The following TENM3 variants were observed in gnomAD, a reference collection of about 807,000 sequenced individuals.
TENM3 encodes teneurin transmembrane protein 3, also known as teneurin-3.
In TENM3, 63 loss-of-function variants were observed where a neutral mutation model predicts 255.1. The ratio of observed to expected loss-of-function variants is 0.25; its 90% CI spans 0.20 to 0.30. The LOEUF (loss-of-function observed/expected upper bound fraction) is 0.30, where lower values mean the gene tolerates loss of function less well. Among genes scored for constraint, TENM3 ranks in the 10% least tolerant of loss-of-function variants. The pLI is 1.00. For missense variants in TENM3, 2,929 were observed against 3,461.1 expected, an observed-to-expected ratio of 0.85 and a Z score of 3.86; for synonymous variants, 1,306 against 1,322.3, an observed-to-expected ratio of 0.99 and a Z score of 0.27.
the TENM3 span, among the ~76,000 whole-genome samples, chr4:181,560,647 G>T: frequency 6.6e-6 from 1 of 152,092 alleles, no homozygotes; most frequent in East Asian, 1.9e-4. Flanking sequence ...TGTGCTTCAG[G>T]AAGTAGGTTA....
Position 182,371,843 on chromosome 4 carries a change from A to G in TENM3, c.511+24914A>G, listed in dbSNP as rs113532680. Among the ~76,000 whole-genome samples, 461 of 152,328 alleles carry G rather than the reference A, an allele frequency of 3.0e-3. 10 individuals are homozygous for G. Among genetic ancestry groups the G allele is most frequent in the African/African-American group, 0.011 (444 of 41,572 alleles). Reference sequence around the variant, plus strand: ...CTTAATAGACCAGGATGAGCAATAAATATCTATTTGAAGTCCTGACTTAGT... The same window carrying G: ...CTTAATAGACCAGGATGAGCAATAAGTATCTATTTGAAGTCCTGACTTAGT... On this transcript the variant is annotated intron_variant, in intron 3 of 27. Coordinates refer to ENST00000511685, the MANE Select transcript of TENM3 (RefSeq NM_001080477.4).
the TENM3 span, among the ~76,000 whole-genome samples, chr4:181,825,672 C>A: frequency 6.6e-6 from 1 of 152,088 alleles, no homozygotes; most frequent in Non-Finnish European, 1.5e-5. Context: ...GTAAAATACC[C>A]TCAATCACAA....
At chr4:181,499,226 A>C in the TENM3 span, among the ~76,000 whole-genome samples, 4 of 152,184 alleles carry the variant, frequency 2.6e-5, no homozygotes, top group Admixed American at 2.0e-4. Flanking sequence ...TTCCCACGTG[A>C]CTGACAGTCA....
the TENM3 span, among the ~76,000 whole-genome samples, chr4:181,721,593 C>T: frequency 4.8e-5 from 1 of 21,008 alleles, no homozygotes; most frequent in African/African-American, 1.4e-4. Context: ...GAGCGAGACT[C>T]CGTCTCAAAA....
At chr4:181,522,564 T>C in the TENM3 span, 9 of 395,760 alleles carry the variant, frequency 2.3e-5, no homozygotes, top group Admixed American at 1.9e-4. Context: ...TGAACTGATA[T>C]TAAAAAGCCA....
the TENM3 span, among the ~76,000 whole-genome samples, chr4:181,501,384 GTT>G: frequency 7.0e-6 from 1 of 143,368 alleles, no homozygotes; most frequent in Non-Finnish European, 1.5e-5. Context: ...TTCCTTTTTT[GTT>G]TTTTTTTTTT....
At chr4:181,605,544 AAGAAAGAAAGAAAGAAAGAAAGAAAGAG>A in the TENM3 span, among the ~76,000 whole-genome samples, 3 of 32,732 alleles carry the variant, frequency 9.2e-5, no homozygotes, top group African/African-American at 2.2e-4. Context: ...GAAAGAAAGA[AAGAAAGAAAGAAAGAAAGAAAGAAAGAG>A]AGAGAAAGAA....
the TENM3 span, among the ~76,000 whole-genome samples, chr4:181,824,363 A>T: frequency 6.6e-6 from 1 of 151,774 alleles, no homozygotes; most frequent in East Asian, 2.0e-4. Flanking sequence ...GGCCTCCCAA[A>T]TTGTTGGGAT....
At chr4:182,034,166 G>A in the TENM3 span, among the ~76,000 whole-genome samples, 10 of 152,164 alleles carry the variant, frequency 6.6e-5, no homozygotes, top group African/African-American at 1.9e-4. Context: ...GACTTACTAC[G>A]ACAAGAACAG....
the TENM3 span, among the ~76,000 whole-genome samples, chr4:181,603,754 T>A: frequency 6.6e-6 from 1 of 152,136 alleles, no homozygotes; most frequent in Non-Finnish European, 1.5e-5. Flanking sequence ...TAAAACCCGT[T>A]GGAAATAAAA....
the TENM3 span, among the ~76,000 whole-genome samples, chr4:181,608,538 T>C: frequency 6.6e-6 from 1 of 151,616 alleles, no homozygotes; most frequent in Non-Finnish European, 1.5e-5. Flanking sequence ...TATTGAGAAC[T>C]AATGCCTTGG....
At chr4:182,753,257 A>T (rs1762503109) in intron 20 of TENM3, among the ~76,000 whole-genome samples, 193 bp from the exon 21 acceptor site, 1 of 152,030 alleles carries the variant, frequency 6.6e-6, no homozygotes, top group Non-Finnish European at 1.5e-5. Context: ...CTCCTTACTG[A>T]ATTTTTAATT....
the TENM3 span, among the ~76,000 whole-genome samples, chr4:181,500,226 A>G: frequency 6.6e-6 from 1 of 151,844 alleles, no homozygotes; most frequent in South Asian, 2.1e-4. Context: ...AGGGGGTTTC[A>G]TCATATTGGT....
intron 24 of TENM3, among the ~76,000 whole-genome samples, chr4:182,784,309 T>C (rs1020404433): frequency 3.3e-5 from 5 of 152,058 alleles, no homozygotes; most frequent in Non-Finnish European, 7.4e-5. Context: ...TGGAATACCC[T>C]GCCGTGTGAG....
the TENM3 span, among the ~76,000 whole-genome samples, chr4:181,460,596 C>CT: frequency 8.3e-6 from 1 of 120,588 alleles, no homozygotes; most frequent in Non-Finnish European, 2.0e-5. Flanking sequence ...TTTTGTTTAC[C>CT]TTTTTTTCTG....
intron 12 of TENM3, among the ~76,000 whole-genome samples, chr4:182,704,604 G>A (rs1470985184): frequency 3.9e-5 from 6 of 152,148 alleles, no homozygotes; most frequent in Admixed American, 2.0e-4. Flanking sequence ...TATAAATACC[G>A]TTCCAAGTTG....
the TENM3 span, among the ~76,000 whole-genome samples, chr4:181,520,111 G>A: frequency 6.6e-6 from 1 of 152,300 alleles, no homozygotes; most frequent in Admixed American, 6.5e-5. Context: ...TGGTGGCAAA[G>A]CCCCAAATCC....
chr4:181,996,177 A>AC, the TENM3 span, among the ~76,000 whole-genome samples: 4 of 149,610 alleles, frequency 2.7e-5, no homozygotes, highest in Non-Finnish European at 6.0e-5. Flanking sequence ...AAAAAAAAAA[A>AC]TTACCTTCAA....
the TENM3 span, among the ~76,000 whole-genome samples, chr4:182,054,810 T>C: frequency 6.6e-6 from 1 of 152,094 alleles, no homozygotes; most frequent in Non-Finnish European, 1.5e-5. Context: ...AAAAATTTTT[T>C]AATTAAAAAA....
Sources: allele counts gnomAD v4.1 joint callset (sites outside exome capture counted in the v4.1 genomes callset), GRCh38; gene constraint gnomAD v4.1.1; transcripts MANE v1.5; gene names NCBI Gene and HGNC (gene_info 2026-07-23, HGNC 2026-07-21).